Variants in COLQ observed in about 807,000 individuals in gnomAD.
COLQ encodes collagen like tail subunit of asymmetric acetylcholinesterase, also known as acetylcholinesterase collagenic tail peptide.
A neutral mutation model predicts 69.0 loss-of-function variants in COLQ; 48 were observed. That is an observed-to-expected ratio of 0.70 (90% CI 0.55 to 0.88). The LOEUF (loss-of-function observed/expected upper bound fraction) is 0.88. COLQ is among the 40% of genes least tolerant of loss of function. The pLI is 0.00. For synonymous variants in COLQ, 217 were observed against 211.2 expected (o/e 1.03, Z -0.24); for missense variants, 618 against 594.6 (o/e 1.04, Z -0.41).
chr3:15,467,494 G>A (rs759667617), intron 11 of COLQ, among the ~76,000 whole-genome samples: 1 of 152,208 alleles, frequency 6.6e-6, no homozygotes, highest in Non-Finnish European at 1.5e-5. Context: ...TTATTAAAAA[G>A]GGCACATCTG....
intron 6 of COLQ, 139 bp from the exon 7 acceptor site, chr3:15,475,626 T>A (rs935501164): frequency 3.7e-5 from 28 of 750,614 alleles, no homozygotes; most frequent in Non-Finnish European, 6.3e-5. Flanking sequence ...TGCACCCACT[T>A]TCTCCCTCCT....
rs556399659 is a variant in COLQ at position 15,458,435 on chromosome 3, T to C, written c.815-110A>G. On this transcript the variant is annotated intron_variant, in intron 12 of 16. Transcript: ENST00000383788. ...GAAAAAAGGTTAAAGTCCACAGCAT[T>C]TCAGGGTATGCCTGAGGGAGAGGTT... The C allele has an allele frequency of 3.3e-6, 4 of 1,216,986 alleles. No homozygotes were observed. In the South Asian group the frequency reaches 4.9e-5, roughly 15 times the overall value. 75.4% of individuals were successfully genotyped at this position (1,216,986 alleles called of 1,614,324 possible). A position where few individuals can be genotyped will look rare whatever the true frequency, so the allele number is the denominator to read the frequency against.
At chr3:15,455,427 G>A (rs190604489) in intron 15 of COLQ, among the ~76,000 whole-genome samples, 10 of 152,336 alleles carry the variant, frequency 6.6e-5, no homozygotes, top group Admixed American at 3.3e-4. Flanking sequence ...AGCAGCCCAC[G>A]AGGCTGACAG....
intron 3 of COLQ, among the ~76,000 whole-genome samples, chr3:15,485,546 C>T (rs1438815746): frequency 6.6e-6 from 1 of 152,220 alleles, no homozygotes; most frequent in Non-Finnish European, 1.5e-5. Context: ...TTCTGCAAAA[C>T]TTATCCAAAT....
intron 1 of COLQ, among the ~76,000 whole-genome samples, chr3:15,520,749 A>G (rs986919732): frequency 5.3e-5 from 8 of 152,194 alleles, no homozygotes; most frequent in African/African-American, 1.9e-4. Flanking sequence ...AGACAAGGGC[A>G]ACAGGCTGCT....
intron 3 of COLQ, among the ~76,000 whole-genome samples, chr3:15,482,802 T>G (rs948428117): frequency 6.6e-6 from 1 of 152,250 alleles, no homozygotes; most frequent in Non-Finnish European, 1.5e-5. Flanking sequence ...CTCCTCCTTG[T>G]ACCTCTGGTA....
chr3:15,499,588 A>G (rs766527919), intron 1 of COLQ, among the ~76,000 whole-genome samples: 5 of 152,262 alleles, frequency 3.3e-5, no homozygotes, highest in Non-Finnish European at 5.9e-5. Flanking sequence ...TTCGGCCCAC[A>G]GGCTGTAGTT....
intron 1 of COLQ, among the ~76,000 whole-genome samples, chr3:15,516,056 A>G (rs2063056877): frequency 6.6e-6 from 1 of 152,198 alleles, no homozygotes; most frequent in Non-Finnish European, 1.5e-5. Flanking sequence ...GTGTCTGAAC[A>G]GGACATGAGC....
chr3:15,509,400 G>A (rs1280755579), intron 1 of COLQ, among the ~76,000 whole-genome samples: 1 of 152,214 alleles, frequency 6.6e-6, no homozygotes, highest in Admixed American at 6.5e-5. Context: ...ACACTCTCAG[G>A]ATTGCAGTGC....
At chr3:15,452,451 C>T (rs1040254646) in intron 16 of COLQ, among the ~76,000 whole-genome samples, 1 of 152,194 alleles carries the variant, frequency 6.6e-6, no homozygotes, top group South Asian at 2.1e-4. Context: ...TTGGACAGTG[C>T]AGTTTATACC....
At chr3:15,520,659 C>T (rs936846943) in intron 1 of COLQ, among the ~76,000 whole-genome samples, 4 of 152,166 alleles carry the variant, frequency 2.6e-5, no homozygotes, top group East Asian at 1.9e-4. Flanking sequence ...TCAAGCCCTC[C>T]GGAAACATTT....
chr3:15,477,145 G>A lies in COLQ; in HGVS notation c.446C>T (p.Pro149Leu), dbSNP rs961519332. The A allele has an allele frequency of 1.2e-6, 2 of 1,604,264 alleles. No individual in the cohort carries two copies. The highest frequency in any genetic ancestry group is 1.3e-5 in the African/African-American group (1 of 74,958). The change falls in exon 6 of 17, where the codon CCA becomes CTA. Residue 149 changes from proline (P) to leucine (L), a missense_variant. Coordinates refer to ENST00000383788, the MANE Select transcript of COLQ (RefSeq NM_005677.4). Reference sequence around the variant, plus strand: ...ACTTACCCTGGGTCCTTCAGGGCCTGGCCAACCGATGGGCCCAGGCATGCC... The same window carrying A: ...ACTTACCCTGGGTCCTTCAGGGCCTAGCCAACCGATGGGCCCAGGCATGCC... ...VPGMPGPIGW[P>L]GPEGPRGEKG... is the part of the protein sequence containing the mutation.
At chr3:15,503,246 A>G (rs563092289) in intron 1 of COLQ, among the ~76,000 whole-genome samples, 31 of 152,244 alleles carry the variant, frequency 2.0e-4, no homozygotes, top group African/African-American at 7.0e-4. Context: ...CTGAGTTGAG[A>G]CTGTGTGGAA....
At chr3:15,509,228 G>A (rs1023437742) in intron 1 of COLQ, among the ~76,000 whole-genome samples, 1 of 152,164 alleles carries the variant, frequency 6.6e-6, no homozygotes, top group African/African-American at 2.4e-5. Context: ...ACCTGCACTA[G>A]GCAGGCCTGG....
chr3:15,497,655 C>G lies in COLQ; in HGVS notation c.107-8018G>C, dbSNP rs572840134. ...TGGACTAGTCAGCTTTTTACTTCCT[C>G]CTCCTCTTTTGGGGCCTTTCCCTGC... On this transcript the variant is annotated intron_variant, in intron 1 of 16. Transcript: ENST00000383788. 1.8e-4 allele frequency among the ~76,000 whole-genome samples: 28 copies of G among 152,294 alleles called. 1 individual carries two copies. The highest frequency in any genetic ancestry group is 1.1e-3 in the Admixed American group (17 of 15,302).
intron 12 of COLQ, 63 bp from the exon 13 acceptor site, chr3:15,458,388 G>A (rs951977675): frequency 1.4e-5 from 22 of 1,587,220 alleles, no homozygotes; most frequent in Non-Finnish European, 1.7e-5. Flanking sequence ...CAACCAGGGA[G>A]ATGTGAGCGA....
Position 15,521,699 on chromosome 3 carries a change from T to C in COLQ, c.-74A>G. On this transcript the variant is annotated 5_prime_UTR_variant, in exon 1 of 17. Transcript: ENST00000383788. ...AGCCTTGCTTATCTCTGCTTTTCTC[T>C]TCCTCACTGCTGTTTGCGTGCGCGT... 6.3e-7 allele frequency: 1 copy of C among 1,597,942 alleles called. No individual in the cohort carries two copies. The highest frequency in any genetic ancestry group is 8.5e-7 in the Non-Finnish European group (1 of 1,173,112).
chr3:15,504,275 A>C (rs932574823), intron 1 of COLQ, among the ~76,000 whole-genome samples: 1 of 152,228 alleles, frequency 6.6e-6, no homozygotes, highest in African/African-American at 2.4e-5. Flanking sequence ...AAAGTACCAC[A>C]GACTGAATGG....
chr3:15,511,666 G>A (rs1363792639), intron 1 of COLQ, among the ~76,000 whole-genome samples: 2 of 152,162 alleles, frequency 1.3e-5, no homozygotes, highest in African/African-American at 4.8e-5. Flanking sequence ...CGAGAAGATC[G>A]ACAGAAGGAA....
Sources: gnomAD v4.1 joint callset for allele counts (sites outside exome capture counted in the v4.1 genomes callset) on GRCh38, gnomAD v4.1.1 for gene constraint, MANE v1.5 for transcripts, NCBI Gene and HGNC (gene_info 2026-07-23, HGNC 2026-07-21) for gene names.